The following CERKL variants were observed in gnomAD, a reference collection of about 807,000 sequenced individuals.
CERKL encodes the protein ceramide kinase-like protein.
Under a neutral mutation model 63.4 loss-of-function variants are expected in CERKL, and 61 were observed. The observed-to-expected ratio is 0.96, with a 90% CI of 0.78 to 1.19. The LOEUF (loss-of-function observed/expected upper bound fraction) is 1.19, where lower values mean the gene tolerates loss of function less well. Ranked by LOEUF, CERKL falls within the 50% of genes most tolerant of loss-of-function variation. CERKL has a pLI of 0.00. For synonymous variants in CERKL, 250 were observed against 230.5 expected, an observed-to-expected ratio of 1.08 and a Z score of -0.77; for missense variants, 675 against 655.5, an observed-to-expected ratio of 1.03 and a Z score of -0.33.
chr2:181,564,302 C>T (rs531425737), intron 4 of CERKL, among the ~76,000 whole-genome samples: 17 of 152,180 alleles, frequency 1.1e-4, no homozygotes, highest in African/African-American at 2.6e-4. Flanking sequence ...TCTTAGAACA[C>T]GGAAGATGAC....
intron 5 of CERKL, among the ~76,000 whole-genome samples, chr2:181,552,796 A>G (rs1045544023): frequency 1.4e-4 from 22 of 152,218 alleles, no homozygotes; most frequent in African/African-American, 5.1e-4. Flanking sequence ...CAATAAATAC[A>G]TACAATTTTT....
intron 4 of CERKL, among the ~76,000 whole-genome samples, chr2:181,560,128 C>A (rs72883695): frequency 0.12 from 18,065 of 152,088 alleles, 1,234 homozygotes; most frequent in East Asian, 0.22. Flanking sequence ...ATGAAAAAAA[C>A]CAAGGTTTGA....
chr2:181,548,073 C>A, intron 8 of CERKL: 1 of 605,066 alleles, frequency 1.7e-6, no homozygotes, highest in Non-Finnish European at 2.9e-6. Context: ...TAATAATGTA[C>A]TATTTCTTTA....
chr2:181,546,700 A>G (rs1687739867), intron 10 of CERKL, among the ~76,000 whole-genome samples: 1 of 152,186 alleles, frequency 6.6e-6, no homozygotes, highest in Non-Finnish European at 1.5e-5. Flanking sequence ...CCCATAATGG[A>G]CAGCTGATTA....
At chr2:181,581,321 G>A (rs1233805451) in intron 2 of CERKL, among the ~76,000 whole-genome samples, 1 of 152,184 alleles carries the variant, frequency 6.6e-6, no homozygotes, top group Non-Finnish European at 1.5e-5. Flanking sequence ...TTTTGAACAT[G>A]TGATTAGATG....
chr2:181,619,849 G>T (rs1686371486), intron 1 of CERKL, among the ~76,000 whole-genome samples: 1 of 152,130 alleles, frequency 6.6e-6, no homozygotes, highest in Non-Finnish European at 1.5e-5. Context: ...AGGTTCAAAG[G>T]TCTTTGAAAG....
chr2:181,621,398 C>T (rs988401269), intron 1 of CERKL, among the ~76,000 whole-genome samples: 2 of 152,056 alleles, frequency 1.3e-5, no homozygotes, highest in Non-Finnish European at 2.9e-5. Flanking sequence ...TACCCTACAA[C>T]GTATTTGAAG....
chr2:181,588,779 T>C (rs1234880050), intron 2 of CERKL, among the ~76,000 whole-genome samples: 1 of 152,194 alleles, frequency 6.6e-6, no homozygotes, highest in Admixed American at 6.5e-5. Context: ...TAACAGCCAT[T>C]CTAACAAGTG....
At chr2:181,651,928 CTAGAAA>C (rs984204146) in intron 1 of CERKL, among the ~76,000 whole-genome samples, 30 of 151,450 alleles carry the variant, frequency 2.0e-4, no homozygotes, top group African/African-American at 6.8e-4. Context: ...AAAAAGATAC[CTAGAAA>C]TAAACAACCA....
intron 1 of CERKL, among the ~76,000 whole-genome samples, chr2:181,604,426 T>C (rs1685592774): frequency 6.6e-6 from 1 of 152,196 alleles, no homozygotes; most frequent in South Asian, 2.1e-4. Context: ...TTGCCCTTTA[T>C]GCCAGTCCCT....
At chr2:181,590,596 A>G (rs1183244845) in intron 2 of CERKL, among the ~76,000 whole-genome samples, 2 of 152,228 alleles carry the variant, frequency 1.3e-5, no homozygotes, top group Non-Finnish European at 2.9e-5. Context: ...AAAAAAAACC[A>G]AAAGTATTAT....
chr2:181,616,024 A>C (rs1040473969), intron 1 of CERKL, among the ~76,000 whole-genome samples: 1 of 152,068 alleles, frequency 6.6e-6, no homozygotes, highest in African/African-American at 2.4e-5. Flanking sequence ...CCAATCGCAA[A>C]TGTCACATTG....
At chr2:181,654,420 T>C (rs1180344200) in intron 1 of CERKL, among the ~76,000 whole-genome samples, 1 of 152,218 alleles carries the variant, frequency 6.6e-6, no homozygotes. Flanking sequence ...TTACTCAAGA[T>C]GGAAAATTAG....
At chr2:181,598,676 T>C (rs1021142005) in intron 2 of CERKL, among the ~76,000 whole-genome samples, 4 of 152,128 alleles carry the variant, frequency 2.6e-5, no homozygotes, top group African/African-American at 9.7e-5. Context: ...AAAATAAGCT[T>C]CCTGAGACTT....
At chr2:181,548,498 T>C (rs756214910) in intron 8 of CERKL, 47 bp downstream of exon 8, 4 of 1,304,038 alleles carry the variant, frequency 3.1e-6, no homozygotes, top group South Asian at 2.4e-5. Flanking sequence ...GAATGTTTTA[T>C]GCTTTAAAGA....
chr2:181,593,792 A>G (rs1037786174), intron 2 of CERKL, among the ~76,000 whole-genome samples: 15 of 151,864 alleles, frequency 9.9e-5, no homozygotes, highest in African/African-American at 3.4e-4. Flanking sequence ...CATTTTTAAT[A>G]TACTTGACAA....
At chr2:181,555,373 G>T (rs1218060347) in intron 5 of CERKL, among the ~76,000 whole-genome samples, 1 of 152,078 alleles carries the variant, frequency 6.6e-6, no homozygotes, top group Admixed American at 6.6e-5. Context: ...TGAAAAGATG[G>T]CCCAAAATGC....
chr2:181,611,428 G>A (rs1559104947), intron 1 of CERKL, among the ~76,000 whole-genome samples: 1 of 152,018 alleles, frequency 6.6e-6, no homozygotes, highest in Admixed American at 6.6e-5. Context: ...GGAGGCTGAG[G>A]CAGGAGGATA....
At chr2:181,580,510 A>C (rs1301768056) in intron 2 of CERKL, among the ~76,000 whole-genome samples, 1 of 152,164 alleles carries the variant, frequency 6.6e-6, no homozygotes, top group Non-Finnish European at 1.5e-5. Context: ...TTTCTTCAGC[A>C]GTCTACTTAC....
Sources: allele counts gnomAD v4.1 joint callset (sites outside exome capture counted in the v4.1 genomes callset), GRCh38; gene constraint gnomAD v4.1.1; transcripts MANE v1.5; gene names NCBI Gene and HGNC (gene_info 2026-07-23, HGNC 2026-07-21).